Variants in CADM1 observed in about 807,000 individuals in gnomAD.
The protein encoded by CADM1 is TSLC-1.
A neutral mutation model predicts 53.1 loss-of-function variants in CADM1; 15 were observed. That is an observed-to-expected ratio of 0.28 (90% CI 0.19 to 0.44). The LOEUF (loss-of-function observed/expected upper bound fraction) is 0.44. Ranked by LOEUF, CADM1 falls within the 20% of genes least tolerant of loss-of-function variation. CADM1 has a pLI of 1.00. For missense variants in CADM1, 434 were observed against 611.3 expected (o/e 0.71, Z 3.06); for synonymous variants, 281 against 243.0 (o/e 1.16, Z -1.45).
chr11:115,469,662 T>C (rs2135388699), intron 1 of CADM1, among the ~76,000 whole-genome samples: 1 of 142,632 alleles, frequency 7.0e-6, no homozygotes, highest in African/African-American at 2.6e-5. Flanking sequence ...TATCCTCAAC[T>C]TCTGGGCTTT....
chr11:115,231,330 G>A, intron 4 of CADM1, 23 bp downstream of exon 4: 1 of 1,613,656 alleles, frequency 6.2e-7, no homozygotes, highest in Non-Finnish European at 8.5e-7. Context: ...AACTACTTCA[G>A]TGTGTGGCAA....
At chr11:115,337,580 T>C (rs142327090) in intron 1 of CADM1, among the ~76,000 whole-genome samples, 54 of 152,278 alleles carry the variant, frequency 3.5e-4, no homozygotes, top group African/African-American at 1.2e-3. Context: ...CCCTTGGCTC[T>C]TTACTAATGT....
intron 1 of CADM1, among the ~76,000 whole-genome samples, chr11:115,367,142 A>G (rs1946183565): frequency 6.6e-6 from 1 of 152,220 alleles, no homozygotes; most frequent in African/African-American, 2.4e-5. Context: ...TGAGCCCCGG[A>G]GTTCGAGGCT....
In CADM1 at chr11:115,176,321, T is replaced by TG; in HGVS notation, c.*152_*153insC. On this transcript the variant is annotated 3_prime_UTR_variant, in exon 12 of 12. Transcript: ENST00000331581. The stretch of plus-strand genomic sequence containing the variant: ...GTACTTTCCAAAGAACATTTTTTTT[T>TG]TTTTTACACAGCAAATCCCAAGCCT... The TG allele has an allele frequency of 6.6e-7, 1 of 1,514,592 alleles. No individual in the cohort carries two copies. The highest frequency in any genetic ancestry group is 2.4e-5 in the East Asian group (1 of 41,130). 93.8% of individuals were successfully genotyped at this position (1,514,592 alleles called of 1,614,324 possible).
intron 9 of CADM1, among the ~76,000 whole-genome samples, chr11:115,197,607 GATC>G (rs1940220849): frequency 6.6e-6 from 1 of 152,160 alleles, no homozygotes; most frequent in African/African-American, 2.4e-5. Context: ...GGGAAAAAGA[GATC>G]ATATTTCCTG....
chr11:115,206,314 T>C (rs946315042), intron 8 of CADM1, among the ~76,000 whole-genome samples: 3 of 152,170 alleles, frequency 2.0e-5, no homozygotes, highest in Non-Finnish European at 4.4e-5. Flanking sequence ...TAAGGCCACA[T>C]TTAGATGTGT....
At chr11:115,478,825 GTCTTC>G (rs543881025) in intron 1 of CADM1, among the ~76,000 whole-genome samples, 1 of 151,986 alleles carries the variant, frequency 6.6e-6, no homozygotes, top group African/African-American at 2.4e-5. Context: ...CACCCTGGAA[GTCTTC>G]TCTTGTCAGT....
chr11:115,465,803 T>C (rs574324527), intron 1 of CADM1, among the ~76,000 whole-genome samples: 1 of 152,266 alleles, frequency 6.6e-6, no homozygotes, highest in East Asian at 1.9e-4. Flanking sequence ...GCAGGAAAAG[T>C]AGAACCAGTG....
At chr11:115,243,148 T>C (rs1942299105) in intron 1 of CADM1, among the ~76,000 whole-genome samples, 1 of 152,226 alleles carries the variant, frequency 6.6e-6, no homozygotes, top group African/African-American at 2.4e-5. Flanking sequence ...CACTACTGAG[T>C]GAATCATTCA....
intron 1 of CADM1, among the ~76,000 whole-genome samples, chr11:115,410,617 C>CA (rs113437041): frequency 5.7e-4 from 86 of 151,178 alleles, no homozygotes; most frequent in African/African-American, 1.9e-3. Flanking sequence ...CAGATGACGG[C>CA]AAAAAAAGCA....
intron 1 of CADM1, among the ~76,000 whole-genome samples, chr11:115,349,135 T>C (rs1054901252): frequency 6.6e-6 from 1 of 152,228 alleles, no homozygotes; most frequent in Non-Finnish European, 1.5e-5. Flanking sequence ...TAACTATATG[T>C]GTCGCTCCTT....
chr11:115,272,624 T>A (rs1034365337), intron 1 of CADM1, among the ~76,000 whole-genome samples: 1 of 151,950 alleles, frequency 6.6e-6, no homozygotes. Context: ...TAATTCCGTA[T>A]TTTTCAGAAA....
intron 1 of CADM1, among the ~76,000 whole-genome samples, chr11:115,293,592 A>C (rs1279354594): frequency 6.6e-6 from 1 of 152,190 alleles, no homozygotes; most frequent in Non-Finnish European, 1.5e-5. Flanking sequence ...ATCTAACCCA[A>C]AATCATAAAT....
rs549265248 is a variant in CADM1 at position 115,499,751 on chromosome 11, C to T, written c.124+4520G>A. On this transcript the variant is annotated intron_variant, in intron 1 of 11. Coordinates refer to ENST00000331581, the MANE Select transcript of CADM1 (RefSeq NM_001301043.2). The stretch of plus-strand genomic sequence containing the variant: ...ACTTTACTTCAAAATGGGATTTCAC[C>T]AGATGATTTCTAATATCTTTCCCCT... Among the ~76,000 whole-genome samples the T allele has an allele frequency of 5.3e-5, 8 of 152,306 alleles. No individual in the cohort carries two copies. The South Asian group carries it at 1.7e-3, about 32-fold the overall frequency.
chr11:115,424,413 C>T (rs1264888996), intron 1 of CADM1, among the ~76,000 whole-genome samples: 1 of 152,162 alleles, frequency 6.6e-6, no homozygotes, highest in African/African-American at 2.4e-5. Context: ...CTCAGTTTGA[C>T]CTTGTTGTTT....
chr11:115,365,807 G>T (rs1946142127), intron 1 of CADM1, among the ~76,000 whole-genome samples: 1 of 152,090 alleles, frequency 6.6e-6, no homozygotes, highest in African/African-American at 2.4e-5. Flanking sequence ...CAAAAAAGCT[G>T]AAAGGCCCAC....
At chr11:115,481,915 AC>A (rs1949265942) in intron 1 of CADM1, among the ~76,000 whole-genome samples, 1 of 151,660 alleles carries the variant, frequency 6.6e-6, no homozygotes, top group Non-Finnish European at 1.5e-5. Context: ...TTCGTCCTGC[AC>A]CCTCCCGCTC....
intron 1 of CADM1, among the ~76,000 whole-genome samples, chr11:115,401,896 G>A (rs1947166950): frequency 1.3e-5 from 2 of 152,032 alleles, no homozygotes; most frequent in African/African-American, 4.8e-5. Context: ...CATGTATGGG[G>A]ACAAGGAAAT....
At chr11:115,458,273 A>G (rs565963088) in intron 1 of CADM1, among the ~76,000 whole-genome samples, 61 of 152,276 alleles carry the variant, frequency 4.0e-4, no homozygotes, top group African/African-American at 1.3e-3. Context: ...AGCAAGCAGC[A>G]AAAGTGAAAA....
Sources: allele counts gnomAD v4.1 joint callset (sites outside exome capture counted in the v4.1 genomes callset), GRCh38; gene constraint gnomAD v4.1.1; transcripts MANE v1.5; gene names NCBI Gene and HGNC (gene_info 2026-07-23, HGNC 2026-07-21).